ANO4: variants seen among roughly 807,000 people sequenced by gnomAD.
The protein encoded by ANO4 is anoctamin 4, also known as anoctamin-4.
A neutral mutation model predicts 141.9 loss-of-function variants in ANO4; 69 were observed. The observed-to-expected ratio is 0.49, with a 90% CI of 0.40 to 0.59. The LOEUF is 0.59. ANO4 is among the 20% of genes least tolerant of loss of function. ANO4 has a pLI of 0.00. For synonymous variants in ANO4, 350 were observed against 394.3 expected (o/e 0.89, Z 1.33); for missense variants, 894 against 1,162.2 (o/e 0.77, Z 3.36).
At position 100,918,681 on chromosome 12, in the gene ANO4, A is replaced by G. The variant is rs537581024; in HGVS notation, c.56-3545A>G. Among the ~76,000 whole-genome samples the G allele has an allele frequency of 2.4e-3, 360 of 152,338 alleles. 2 individuals carry two copies. Among genetic ancestry groups the G allele is most frequent in the African/African-American group, 8.4e-3 (349 of 41,580 alleles). On this transcript the variant is annotated intron_variant, in intron 2 of 27. Coordinates refer to ENST00000392977, the MANE Select transcript of ANO4 (RefSeq NM_001286615.2). ...GTGTAAACAAACCTACTGTGCTGCC[A>G]GTTGTATAAAAATATAGCACATACA...
chr12:101,012,484 A>G (rs2046137308), intron 8 of ANO4, among the ~76,000 whole-genome samples: 1 of 152,190 alleles, frequency 6.6e-6, no homozygotes. Context: ...GTTGTGCAAG[A>G]ATCTAAGAAA....
At chr12:100,892,629 A>G (rs821860) in intron 1 of ANO4, among the ~76,000 whole-genome samples, 147,366 of 152,338 alleles carry the variant, frequency 0.97, 71,321 homozygotes, top group East Asian at 1. Flanking sequence ...TACATGAAAT[A>G]GCAAAGTATT....
At chr12:100,998,141 G>T (rs948942582) in intron 8 of ANO4, among the ~76,000 whole-genome samples, 16 of 152,232 alleles carry the variant, frequency 1.1e-4, no homozygotes, top group African/African-American at 3.9e-4. Context: ...ATCTGGGTGG[G>T]CACCACCAAA....
chr12:100,817,081 AT>A (rs2035776971), intron 1 of ANO4, among the ~76,000 whole-genome samples: 1 of 151,878 alleles, frequency 6.6e-6, no homozygotes, highest in African/African-American at 2.4e-5. Flanking sequence ...TTGGGTCATT[AT>A]TTTGTAGGAA....
chr12:100,996,235 C>T (rs2045362379), intron 8 of ANO4, among the ~76,000 whole-genome samples: 1 of 152,184 alleles, frequency 6.6e-6, no homozygotes, highest in African/African-American at 2.4e-5. Flanking sequence ...CCACCTGACA[C>T]AAAATTTGCT....
At chr12:100,852,159 C>A (rs573759434) in intron 1 of ANO4, among the ~76,000 whole-genome samples, 2 of 152,302 alleles carry the variant, frequency 1.3e-5, no homozygotes, top group Non-Finnish European at 2.9e-5. Flanking sequence ...AATGTCCAGG[C>A]ACAGGGATCC....
At chr12:100,779,708 TTAAAG>T (rs2033653242) in intron 3 of ANO4, among the ~76,000 whole-genome samples, 1 of 152,166 alleles carries the variant, frequency 6.6e-6, no homozygotes, top group South Asian at 2.1e-4. Context: ...CTTTCCTCCT[TTAAAG>T]TATTTTTCTC....
intron 1 of ANO4, among the ~76,000 whole-genome samples, chr12:100,851,227 C>T (rs1293683961): frequency 6.6e-6 from 1 of 152,074 alleles, no homozygotes; most frequent in African/African-American, 2.4e-5. Context: ...AACTTTGTCC[C>T]CCATTTTTTA....
intron 1 of ANO4, among the ~76,000 whole-genome samples, chr12:100,860,848 A>T (rs1565944631): frequency 6.6e-6 from 1 of 152,198 alleles, no homozygotes; most frequent in African/African-American, 2.4e-5. Context: ...TCATTGTATG[A>T]CTATCACAGT....
intron 2 of ANO4, among the ~76,000 whole-genome samples, chr12:100,903,268 T>G (rs141209841): frequency 1.3e-5 from 2 of 152,318 alleles, no homozygotes; most frequent in Non-Finnish European, 2.9e-5. Flanking sequence ...CACTGTTCCC[T>G]TGGCTTCCAT....
intron 1 of ANO4, among the ~76,000 whole-genome samples, chr12:100,855,016 G>A (rs981878873): frequency 3.3e-5 from 5 of 151,714 alleles, no homozygotes; most frequent in Admixed American, 1.3e-4. Context: ...CTCCTCATAC[G>A]CTTTATGGCC....
chr12:101,123,389 T>A lies in ANO4; in HGVS notation c.2676+2764T>A, dbSNP rs763707918. On this transcript the variant is annotated intron_variant, in intron 26 of 27. Transcript: ENST00000392977. Reference sequence around the variant, plus strand: ...TTACACAGGTAAATGTGTGCCACGGTCATCTGCTGCACAGATCAACCCGTC... The same window carrying A: ...TTACACAGGTAAATGTGTGCCACGGACATCTGCTGCACAGATCAACCCGTC... Among the ~76,000 whole-genome samples, 6 of 152,190 alleles carry A rather than the reference T, an allele frequency of 3.9e-5. No individual in the cohort carries two copies. The East Asian group carries it at 7.7e-4, about 20-fold the overall frequency.
At chr12:100,889,592 A>G (rs2040007432) in intron 1 of ANO4, among the ~76,000 whole-genome samples, 1 of 152,252 alleles carries the variant, frequency 6.6e-6, no homozygotes, top group South Asian at 2.1e-4. Context: ...ATGAGCAGAC[A>G]CTTCTCAAAA....
intron 1 of ANO4, among the ~76,000 whole-genome samples, chr12:100,732,761 G>C (rs893177747): frequency 5.3e-5 from 8 of 152,162 alleles, no homozygotes; most frequent in Admixed American, 4.6e-4. Context: ...CTGTCAGTGT[G>C]ACCTTGGGCA....
intron 5 of ANO4, among the ~76,000 whole-genome samples, chr12:100,962,192 A>G (rs2136238188): frequency 6.6e-6 from 1 of 152,246 alleles, no homozygotes; most frequent in South Asian, 2.1e-4. Flanking sequence ...CTGCCTGATA[A>G]TAGTGTTTTA....
At chr12:100,956,597 T>G (rs2043183843) in intron 5 of ANO4, among the ~76,000 whole-genome samples, 1 of 152,226 alleles carries the variant, frequency 6.6e-6, no homozygotes, top group Admixed American at 6.5e-5. Flanking sequence ...TCTTTTGGAT[T>G]GTGTAGCAGT....
intron 8 of ANO4, among the ~76,000 whole-genome samples, chr12:101,010,955 A>T (rs1375070830): frequency 6.6e-6 from 1 of 152,132 alleles, no homozygotes. Context: ...TTTCACCTGG[A>T]GTCAACATGT....
intron 8 of ANO4, among the ~76,000 whole-genome samples, chr12:101,012,395 G>T (rs990562475): frequency 6.6e-6 from 1 of 152,110 alleles, no homozygotes; most frequent in African/African-American, 2.4e-5. Context: ...GAGATTATTG[G>T]GGCAGGAGAG....
At chr12:100,852,509 A>T (rs1191753475) in intron 1 of ANO4, 1 of 152,230 alleles carries the variant, frequency 6.6e-6, no homozygotes, top group Non-Finnish European at 1.5e-5. Flanking sequence ...CAGACACCAC[A>T]TTCTGCATCC....
Sources: gnomAD v4.1 joint callset for allele counts (sites outside exome capture counted in the v4.1 genomes callset) on GRCh38, gnomAD v4.1.1 for gene constraint, MANE v1.5 for transcripts, NCBI Gene and HGNC (gene_info 2026-07-23, HGNC 2026-07-21) for gene names.